Variants in MAGI1 observed in about 807,000 individuals in gnomAD.
MAGI1 encodes the protein membrane associated guanylate kinase, WW and PDZ domain containing 1, also known as membrane-associated guanylate kinase, WW and PDZ domain-containing protein 1.
MAGI1 carries 58 observed loss-of-function variants against 139.9 expected under a neutral mutation model. The ratio of observed to expected loss-of-function variants is 0.41; its 90% CI spans 0.34 to 0.52. MAGI1 has a LOEUF of 0.52. Among genes scored for constraint, MAGI1 ranks in the 20% least tolerant of loss-of-function variants. MAGI1 has a pLI of 0.12. For synonymous variants in MAGI1, 812 were observed against 737.9 expected, an observed-to-expected ratio of 1.10 and a Z score of -1.63; for missense variants, 1,874 against 1,901.6, an observed-to-expected ratio of 0.99 and a Z score of 0.27.
At chr3:65,438,506 A>G (rs542865705) in intron 9 of MAGI1, among the ~76,000 whole-genome samples, 2 of 152,300 alleles carry the variant, frequency 1.3e-5, no homozygotes, top group Admixed American at 6.5e-5. Context: ...CTGCACTTGT[A>G]CCCACTAAAT....
At chr3:65,897,590 C>T (rs2061029443) in intron 1 of MAGI1, among the ~76,000 whole-genome samples, 1 of 139,704 alleles carries the variant, frequency 7.2e-6, no homozygotes, top group East Asian at 2.0e-4. Context: ...ATGTTGTGCA[C>T]ATGTACCCCT....
chr3:65,523,442 G>C (rs956143879), intron 2 of MAGI1, among the ~76,000 whole-genome samples: 1 of 151,776 alleles, frequency 6.6e-6, no homozygotes, highest in Non-Finnish European at 1.5e-5. Flanking sequence ...GGAGGCAAGG[G>C]GTGGGGGAGG....
intron 11 of MAGI1, 86 bp downstream of exon 11, chr3:65,430,613 A>C (rs1575717777): frequency 1.4e-6 from 2 of 1,452,500 alleles, no homozygotes; most frequent in East Asian, 4.6e-5. Context: ...GGTCTTGCTC[A>C]AACAAACAAC....
chr3:65,562,118 G>A (rs2080382481), intron 2 of MAGI1, among the ~76,000 whole-genome samples: 1 of 152,098 alleles, frequency 6.6e-6, no homozygotes, highest in Non-Finnish European at 1.5e-5. Context: ...AGGTATGTAT[G>A]TATGTATAGG....
chr3:65,404,971 AG>A, intron 12 of MAGI1, among the ~76,000 whole-genome samples: 1 of 152,318 alleles, frequency 6.6e-6, no homozygotes, highest in Non-Finnish European at 1.5e-5. Flanking sequence ...CATACATATA[AG>A]GCATACGGCA....
chr3:65,652,431 T>C (rs551803677), intron 1 of MAGI1, among the ~76,000 whole-genome samples: 1 of 152,218 alleles, frequency 6.6e-6, no homozygotes, highest in East Asian at 1.9e-4. Context: ...GCTCAGCATG[T>C]AGGATATGTT....
At chr3:66,032,842 G>A (rs957990239) in intron 1 of MAGI1, among the ~76,000 whole-genome samples, 1 of 148,802 alleles carries the variant, frequency 6.7e-6, no homozygotes, top group African/African-American at 2.5e-5. Flanking sequence ...TTGAACCCGG[G>A]AGGCAAAGGT....
At chr3:65,409,723 T>C (rs1458999572) in intron 12 of MAGI1, among the ~76,000 whole-genome samples, 1 of 151,996 alleles carries the variant, frequency 6.6e-6, no homozygotes, top group East Asian at 1.9e-4. Context: ...GCCAAGAACA[T>C]AAGTATCAGA....
chr3:65,432,643 G>A (rs1434036352), intron 10 of MAGI1, among the ~76,000 whole-genome samples: 4 of 152,260 alleles, frequency 2.6e-5, no homozygotes, highest in African/African-American at 9.6e-5. Flanking sequence ...GATTCGCCAC[G>A]CAAAGTCATC....
rs369150828 is a variant in MAGI1, at chr3:65,611,229, T to C, written c.430+10743A>G. On this transcript the variant is annotated intron_variant, in intron 2 of 22. Coordinates refer to ENST00000402939, the MANE Select transcript of MAGI1 (RefSeq NM_001033057.2). ...TACACACGTGTAGTACTATATACTA[T>C]AGTATATACTATATATACTATATAC... Among the ~76,000 whole-genome samples, 57 of 141,674 alleles carry C rather than the reference T, an allele frequency of 4.0e-4. 1 individual carries two copies. In the East Asian group the frequency reaches 9.0e-3, roughly 22 times the overall value. The allele number at this position is 141,674 out of a possible 152,430, so 92.9% of individuals were successfully genotyped here.
At chr3:65,606,529 T>C (rs1409443303) in intron 2 of MAGI1, among the ~76,000 whole-genome samples, 2 of 151,854 alleles carry the variant, frequency 1.3e-5, no homozygotes, top group Admixed American at 1.3e-4. Flanking sequence ...TTTGTTTGTT[T>C]ATTTTTGAGA....
chr3:65,393,181 A>G, intron 13 of MAGI1, among the ~76,000 whole-genome samples: 1 of 152,170 alleles, frequency 6.6e-6, no homozygotes, highest in East Asian at 1.9e-4. Flanking sequence ...TTCAGCTCCC[A>G]GGGCCAGAGT....
At chr3:65,553,427 T>C (rs564532161) in intron 2 of MAGI1, among the ~76,000 whole-genome samples, 1 of 152,314 alleles carries the variant, frequency 6.6e-6, no homozygotes, top group East Asian at 1.9e-4. Context: ...AAAAATTTTT[T>C]TAATATAACA....
intron 1 of MAGI1, among the ~76,000 whole-genome samples, chr3:65,881,848 C>A (rs2060342412): frequency 6.6e-6 from 1 of 152,086 alleles, no homozygotes; most frequent in African/African-American, 2.4e-5. Flanking sequence ...CTTTCTTCAT[C>A]TAAGTAGGTT....
intron 1 of MAGI1, among the ~76,000 whole-genome samples, chr3:65,928,964 G>T (rs72906978): frequency 6.6e-6 from 1 of 152,038 alleles, no homozygotes; most frequent in Non-Finnish European, 1.5e-5. Context: ...GACATAAGAG[G>T]CTATCATTGA....
At chr3:65,874,501 C>A (rs1281787660) in intron 1 of MAGI1, 1 of 152,094 alleles carries the variant, frequency 6.6e-6, no homozygotes, top group Non-Finnish European at 1.5e-5. Context: ...TACAAAAGAC[C>A]AAATAAACAC....
In MAGI1 at chr3:65,559,804, G is replaced by A. The variant is rs143665787; in HGVS notation, c.430+62168C>T. On this transcript the variant is annotated intron_variant, in intron 2 of 22. Transcript: ENST00000402939. ...GTAATACCAGCACTACGGGAGGCCA[G>A]CAGGAGGATCCCTTGAGCTGAAGAC... 1.8e-3 allele frequency among the ~76,000 whole-genome samples: 270 copies of A among 152,294 alleles called. 1 individual carries two copies. The highest frequency in any genetic ancestry group is 0.01 in the Middle Eastern group (3 of 294).
intron 10 of MAGI1, among the ~76,000 whole-genome samples, chr3:65,434,447 A>C (rs1947690938): frequency 6.6e-6 from 1 of 152,180 alleles, no homozygotes. Flanking sequence ...TCATAAGAGC[A>C]AATCTCCAAA....
chr3:65,506,341 A>G (rs1466545588), intron 2 of MAGI1, among the ~76,000 whole-genome samples: 1 of 152,184 alleles, frequency 6.6e-6, no homozygotes, highest in Non-Finnish European at 1.5e-5. Context: ...GTATCTGCCC[A>G]CGCCCGCCCC....
Sources: gnomAD v4.1 joint callset for allele counts (sites outside exome capture counted in the v4.1 genomes callset) on GRCh38, gnomAD v4.1.1 for gene constraint, MANE v1.5 for transcripts, NCBI Gene and HGNC (gene_info 2026-07-23, HGNC 2026-07-21) for gene names.